Variants in MB21D2 observed in about 807,000 individuals in gnomAD.
MB21D2 encodes nucleotidyltransferase MB21D2.
MB21D2 carries 9 observed loss-of-function variants against 33.3 expected under a neutral mutation model. That is an observed-to-expected ratio of 0.27 (90% CI 0.16 to 0.47). The LOEUF (loss-of-function observed/expected upper bound fraction) is 0.47. Ranked by LOEUF, MB21D2 falls within the 20% of genes least tolerant of loss-of-function variation. The pLI, the probability that MB21D2 is intolerant of heterozygous loss-of-function variation, is 0.99. For synonymous variants in MB21D2, 241 were observed against 236.3 expected, an observed-to-expected ratio of 1.02 and a Z score of -0.18; for missense variants, 540 against 624.6, an observed-to-expected ratio of 0.86 and a Z score of 1.44.
chr3:192,869,053 C>T (rs1713230192), intron 1 of MB21D2, among the ~76,000 whole-genome samples: 1 of 151,920 alleles, frequency 6.6e-6, no homozygotes, highest in Admixed American at 6.6e-5. Context: ...GTCAGGAGTT[C>T]GAGACCAGCC....
At chr3:192,859,266 TA>T (rs1209666118) in intron 1 of MB21D2, among the ~76,000 whole-genome samples, 1 of 152,188 alleles carries the variant, frequency 6.6e-6, no homozygotes, top group Non-Finnish European at 1.5e-5. Flanking sequence ...GGAAAAATGC[TA>T]GACGGCACTA....
intron 1 of MB21D2, among the ~76,000 whole-genome samples, chr3:192,891,307 C>T (rs1713848997): frequency 6.6e-6 from 1 of 152,156 alleles, no homozygotes; most frequent in African/African-American, 2.4e-5. Context: ...ATTCAGACTG[C>T]AGGCAGCCGA....
chr3:192,848,021 T>C (rs1437508221), intron 1 of MB21D2, among the ~76,000 whole-genome samples: 12 of 152,214 alleles, frequency 7.9e-5, no homozygotes, highest in Admixed American at 7.9e-4. Flanking sequence ...AACATTAACA[T>C]TGGTGGCAGC....
intron 1 of MB21D2, among the ~76,000 whole-genome samples, chr3:192,895,567 C>T (rs1713948368): frequency 6.6e-6 from 1 of 152,202 alleles, no homozygotes; most frequent in Non-Finnish European, 1.5e-5. Context: ...AATAAGCACA[C>T]TGTTTGGCCA....
intron 1 of MB21D2, among the ~76,000 whole-genome samples, chr3:192,832,770 C>A (rs1228147587): frequency 6.6e-6 from 1 of 152,020 alleles, no homozygotes; most frequent in Admixed American, 6.5e-5. Flanking sequence ...CCAGCCTGGG[C>A]AACAGAATGA....
At chr3:192,887,524 AAG>A (rs1227874534) in intron 1 of MB21D2, among the ~76,000 whole-genome samples, 51 of 152,260 alleles carry the variant, frequency 3.3e-4, no homozygotes, top group African/African-American at 1.2e-3. Flanking sequence ...AAAAAGGAAA[AAG>A]ATATATTTAG....
At chr3:192,801,066 G>T (rs1000953554) in intron 1 of MB21D2, among the ~76,000 whole-genome samples, 6 of 152,158 alleles carry the variant, frequency 3.9e-5, no homozygotes, top group African/African-American at 1.4e-4. Context: ...TATTAAGCAG[G>T]TATAGAAGAC....
chr3:192,836,159 G>A (rs1003106605), intron 1 of MB21D2, among the ~76,000 whole-genome samples: 1 of 152,130 alleles, frequency 6.6e-6, no homozygotes, highest in Admixed American at 6.5e-5. Context: ...TAAATAGAGG[G>A]CATTCCTTGA....
Position 192,867,211 on chromosome 3 carries a change from C to T in MB21D2, c.211+50419G>A, listed in dbSNP as rs114081558. ...CTGTAATCTTCAGCCCCTTGTACCC[C>T]GACCTCCACACACCTCCCAGGAAGC... On this transcript the variant is annotated intron_variant, in intron 1 of 1. Coordinates refer to ENST00000392452, the MANE Select transcript of MB21D2 (RefSeq NM_178496.4). Among the ~76,000 whole-genome samples, 1,038 of 152,116 alleles carry T rather than the reference C, an allele frequency of 6.8e-3. 6 individuals are homozygous for T. The highest frequency in any genetic ancestry group is 0.024 in the African/African-American group (998 of 41,484).
At chr3:192,904,872 G>A (rs547986364) in intron 1 of MB21D2, among the ~76,000 whole-genome samples, 29 of 152,270 alleles carry the variant, frequency 1.9e-4, no homozygotes, top group Middle Eastern at 3.4e-3. Flanking sequence ...CTTCCTTACC[G>A]TCCAGTCCCT....
At chr3:192,878,575 C>G (rs558968814) in intron 1 of MB21D2, among the ~76,000 whole-genome samples, 117 of 152,220 alleles carry the variant, frequency 7.7e-4, no homozygotes, top group African/African-American at 2.6e-3. Context: ...TTGAATGTGT[C>G]AGCATTTCTA....
At chr3:192,891,649 T>G (rs1316517394) in intron 1 of MB21D2, among the ~76,000 whole-genome samples, 1 of 152,132 alleles carries the variant, frequency 6.6e-6, no homozygotes, top group East Asian at 1.9e-4. Flanking sequence ...CAATACATGT[T>G]AATGCTTTTA....
At chr3:192,911,817 G>A (rs1406448359) in intron 1 of MB21D2, among the ~76,000 whole-genome samples, 1 of 152,146 alleles carries the variant, frequency 6.6e-6, no homozygotes, top group Admixed American at 6.6e-5. Flanking sequence ...TGTTTGGAGA[G>A]ATCCCCTGCC....
At chr3:192,916,098 T>TATATATATATATATATA (rs1714458733) in intron 1 of MB21D2, among the ~76,000 whole-genome samples, 14 of 139,170 alleles carry the variant, frequency 1.0e-4, no homozygotes, top group African/African-American at 3.7e-4. Context: ...CTACCAGGTT[T>TATATATATATATATATA]TATATATATA....
chr3:192,815,146 A>G (rs1280056631), intron 1 of MB21D2, among the ~76,000 whole-genome samples: 1 of 152,230 alleles, frequency 6.6e-6, no homozygotes, highest in Non-Finnish European at 1.5e-5. Context: ...TCTCCAGAGA[A>G]TGAAGTTTAA....
chr3:192,885,498 C>T (rs931216464), intron 1 of MB21D2, among the ~76,000 whole-genome samples: 1 of 152,050 alleles, frequency 6.6e-6, no homozygotes, highest in Non-Finnish European at 1.5e-5. Flanking sequence ...TCCACATGCA[C>T]AGCAGGAAAA....
At chr3:192,917,598 C>G in intron 1 of MB21D2, 32 bp downstream of exon 1, 1 of 1,606,568 alleles carries the variant, frequency 6.2e-7, no homozygotes, top group Non-Finnish European at 8.5e-7. Context: ...CACACACACA[C>G]GCACACACAC....
intron 1 of MB21D2, among the ~76,000 whole-genome samples, chr3:192,859,926 TG>T (rs749167859): frequency 7.9e-5 from 12 of 152,184 alleles, no homozygotes; most frequent in Non-Finnish European, 1.6e-4. Context: ...CAGGTTCCTC[TG>T]TCTGAAATGT....
At chr3:192,821,089 C>T (rs1293293882) in intron 1 of MB21D2, among the ~76,000 whole-genome samples, 13 of 152,128 alleles carry the variant, frequency 8.5e-5, no homozygotes, top group Non-Finnish European at 1.6e-4. Context: ...ATGAACACAT[C>T]GTTTATTTGA....
Sources: allele counts gnomAD v4.1 joint callset (sites outside exome capture counted in the v4.1 genomes callset), GRCh38; gene constraint gnomAD v4.1.1; transcripts MANE v1.5; gene names NCBI Gene and HGNC (gene_info 2026-07-23, HGNC 2026-07-21).